The following HEXD variants were observed in gnomAD, a reference collection of about 807,000 sequenced individuals.
HEXD encodes the protein N-acetyl-beta-galactosaminidase.
In HEXD, 47 loss-of-function variants were observed where a neutral mutation model predicts 54.2. The observed-to-expected ratio is 0.87, with a 90% CI of 0.69 to 1.11. The LOEUF is 1.11. Ranked by LOEUF, HEXD falls within the 50% of genes least tolerant of loss-of-function variation. HEXD has a pLI of 0.00. For missense variants in HEXD, 576 were observed against 649.2 expected (o/e 0.89, Z 1.23); for synonymous variants, 293 against 287.6 (o/e 1.02, Z -0.19).
In HEXD at chr17:82,428,778, A is replaced by G. The variant is rs1599731758; in HGVS notation, c.282+133A>G. On this transcript the variant is annotated intron_variant, in intron 4 of 12. Coordinates refer to ENST00000327949, the MANE Select transcript of HEXD (RefSeq NM_001330542.2). Reference sequence around the variant, plus strand: ...TGCAGGCAGCGCAGCTCAGCACAACATGGAAAGGCCTTTGGTCTAGGAAGT... The same window carrying G: ...TGCAGGCAGCGCAGCTCAGCACAACGTGGAAAGGCCTTTGGTCTAGGAAGT... The G allele has an allele frequency of 4.1e-6, 3 of 723,042 alleles. No homozygotes were observed. The South Asian group carries it at 4.8e-5, about 11-fold the overall frequency. The allele number at this position is 723,042 out of a possible 1,614,324, so 44.8% of individuals were successfully genotyped here.
Position 82,418,655 on chromosome 17 carries a change from G to T in HEXD, c.-137G>T. The T allele has an allele frequency of 4.6e-6, 1 of 216,784 alleles. No homozygotes were observed. The highest frequency in any genetic ancestry group is 6.1e-5 in the Admixed American group (1 of 16,292). 13.4% of individuals were successfully genotyped at this position (216,784 alleles called of 1,614,324 possible). On this transcript the variant is annotated 5_prime_UTR_variant, in exon 1 of 13. Transcript: ENST00000327949. ...GAGCAATCGGCGGCCGAGCGGGGCG[G>T]GGCTCAGAGCGGAGGCGGCGGCCGC...
In HEXD at chr17:82,434,932, G is replaced by A. The variant is rs767277365; in HGVS notation, c.448-757G>A. Reference sequence around the variant, plus strand: ...AGGCTGAGGCAGGTGGACCACCTGAGATCAGGAGTTCAAGATCAGCCTGGC... The same window carrying A: ...AGGCTGAGGCAGGTGGACCACCTGAAATCAGGAGTTCAAGATCAGCCTGGC... On this transcript the variant is annotated intron_variant, in intron 5 of 12. Coordinates refer to ENST00000327949, the MANE Select transcript of HEXD (RefSeq NM_001330542.2). This position sits in a 1 kb window ranked among gnomAD's most constrained non-coding sequence, Gnocchi z 4.5. 6.6e-6 allele frequency among the ~76,000 whole-genome samples: 1 copy of A among 151,974 alleles called. No individual in the cohort carries two copies. Among genetic ancestry groups the A allele is most frequent in the Non-Finnish European group, 1.5e-5 (1 of 68,014 alleles).
In HEXD at chr17:82,441,222, C is replaced by A; in HGVS notation, c.1119C>A (p.Ser373Arg). The change falls in exon 11 of 13, where the codon AGC becomes AGA. Residue 373 changes from serine to arginine, a missense_variant. Ser to Arg is a moderately radical substitution (Grantham distance 110, BLOSUM62 -1). Coordinates refer to ENST00000327949, the MANE Select transcript of HEXD (RefSeq NM_001330542.2). ...TCCTTGCCCTTGTCACACAAGTCAG[C>A]CTCCATCTGCGCAGCTCTGTGGATG... is the stretch of plus-strand genomic sequence containing the variant. ...SNILALVTQV[S>R]LHLRSSVDAL... 4 of 1,613,064 alleles carry A rather than the reference C, an allele frequency of 2.5e-6. No individual in the cohort carries two copies. The highest frequency in any genetic ancestry group is 3.4e-6 in the Non-Finnish European group (4 of 1,179,980).
At position 82,418,377 on chromosome 17, in the gene HEXD, G is replaced by A. The variant is rs1255445504; in HGVS notation, c.-415G>A. 2.3e-5 allele frequency: 32 copies of A among 1,390,338 alleles called. No individual in the cohort carries two copies. Among genetic ancestry groups the A allele is most frequent in the Non-Finnish European group, 2.7e-5 (28 of 1,054,676 alleles). 86.1% of individuals were successfully genotyped at this position (1,390,338 alleles called of 1,614,324 possible). A position where few individuals can be genotyped will look rare whatever the true frequency, so the allele number is the denominator to read the frequency against. On this transcript the variant is annotated 5_prime_UTR_variant, in exon 1 of 13. Transcript: ENST00000327949. ...CGCCCACTCCATGGCCCTGTCCGCC[G>A]CCGCAGCGCGCGCCCTTCCCCTCCT...
chr17:82,432,742 C>CT (rs1411641981), intron 4 of HEXD, among the ~76,000 whole-genome samples: 1 of 151,744 alleles, frequency 6.6e-6, no homozygotes, highest in Non-Finnish European at 1.5e-5. Context: ...CACCTGGCCA[C>CT]TTTTTTTTCT....
chr17:82,442,132 G>C lies in HEXD; in HGVS notation c.1254-45G>C. ...GTACTGACCATGGGGCTGAGGGCAA[G>C]TCCCAAGTGTGCAGACTGTGCGTTC... is the stretch of plus-strand genomic sequence containing the variant. On this transcript the variant is annotated intron_variant, in intron 12 of 12. Coordinates refer to ENST00000327949, the MANE Select transcript of HEXD (RefSeq NM_001330542.2). The surrounding 1 kb of genome is among the most constrained non-coding windows in gnomAD (Gnocchi z 6.8). 6.4e-7 allele frequency: 1 copy of C among 1,571,334 alleles called. No homozygotes were observed. Among genetic ancestry groups the C allele is most frequent in the South Asian group, 1.1e-5 (1 of 88,384 alleles).
intron 2 of HEXD, among the ~76,000 whole-genome samples, chr17:82,420,965 A>G (rs1367088696): frequency 6.6e-6 from 1 of 152,190 alleles, no homozygotes; most frequent in Non-Finnish European, 1.5e-5. Flanking sequence ...ATCCCAAACT[A>G]CAAGTGGGTG....
chr17:82,428,829 A>T (rs1458432020), intron 4 of HEXD, among the ~76,000 whole-genome samples, 184 bp downstream of exon 4: 1 of 152,192 alleles, frequency 6.6e-6, no homozygotes, highest in Admixed American at 6.5e-5. Flanking sequence ...CCAGAGCTGC[A>T]GGTTGGGGCT....
At chr17:82,432,483 GA>G (rs759169518) in intron 4 of HEXD, among the ~76,000 whole-genome samples, 4 of 152,228 alleles carry the variant, frequency 2.6e-5, no homozygotes, top group Non-Finnish European at 5.9e-5. Flanking sequence ...TTTCCACAGT[GA>G]GGGGGAAGGG....
chr17:82,418,347 A>G lies in HEXD; in HGVS notation c.-445A>G, dbSNP rs2053121072. The G allele has an allele frequency of 8.9e-6, 6 of 673,990 alleles. No homozygotes were observed. In the Admixed American group the frequency reaches 1.9e-4, roughly 21 times the overall value. 41.8% of individuals were successfully genotyped at this position (673,990 alleles called of 1,614,324 possible). The stretch of plus-strand genomic sequence containing the variant: ...GGCCAGGCCCCGCCCCATCAGCCCC[A>G]GTCCCGCCCACTCCATGGCCCTGTC... On this transcript the variant is annotated 5_prime_UTR_variant, in exon 1 of 13. Transcript: ENST00000327949.
chr17:82,440,457 T>G (rs1301481101), intron 9 of HEXD: 1 of 582,370 alleles, frequency 1.7e-6, no homozygotes, highest in African/African-American at 2.0e-5. Flanking sequence ...TGTGTTAATA[T>G]TGACGGTATT....
chr17:82,440,803 CGT>C (rs2053917566), intron 9 of HEXD, among the ~76,000 whole-genome samples, 192 bp from the exon 10 acceptor site: 1 of 152,226 alleles, frequency 6.6e-6, no homozygotes, highest in Admixed American at 6.5e-5. Flanking sequence ...ACGTATTTCA[CGT>C]GTTTAAAGAG....
Position 82,418,400 on chromosome 17 carries a change from CCTCACCG to C in HEXD, c.-389_-383del. 6.8e-7 allele frequency: 1 copy of C among 1,475,552 alleles called. No homozygotes were observed. The highest frequency in any genetic ancestry group is 1.3e-5 in the South Asian group (1 of 79,146). 91.4% of individuals were successfully genotyped at this position (1,475,552 alleles called of 1,614,324 possible). On this transcript the variant is annotated 5_prime_UTR_variant, in exon 1 of 13. An upstream open reading frame in the 5' UTR gains an earlier in-frame stop. Transcript: ENST00000327949. ...CCGCCGCAGCGCGCGCCCTTCCCCT[CCTCACCG>C]CTACCTGCTCCGGTTCCGGCGCTCG...
At chr17:82,432,806 G>A (rs1345835266) in intron 4 of HEXD, among the ~76,000 whole-genome samples, 3 of 151,826 alleles carry the variant, frequency 2.0e-5, no homozygotes, top group East Asian at 1.9e-4. Context: ...GCTCACGCCT[G>A]TAATCCCAGC....
chr17:82,425,003 G>A (rs182526195), intron 3 of HEXD, among the ~76,000 whole-genome samples: 95 of 150,502 alleles, frequency 6.3e-4, no homozygotes, highest in Middle Eastern at 3.5e-3. Context: ...AGAGAAGGCC[G>A]GAGAAGGCTG....
rs868416963 is a variant in HEXD at position 82,442,383 on chromosome 17, G to A, written c.1460G>A (p.Ter487=). 12 of 1,610,166 alleles carry A rather than the reference G, an allele frequency of 7.5e-6. No homozygotes were observed. The Middle Eastern group carries it at 2.0e-3, about 266-fold the overall frequency. The change falls in exon 13 of 13, where the codon TGA becomes TAA. Residue 487 remains the stop codon, a stop_retained_variant. Transcript: ENST00000327949. The surrounding 1 kb of genome is among the most constrained non-coding windows in gnomAD (Gnocchi z 6.8). ...SPGRDVAQDP[*] ...GGCAGGGACGTTGCTCAGGACCCCT[G>A]AGGGGAGAGCTCATGCCAGGGGGCT...
intron 3 of HEXD, among the ~76,000 whole-genome samples, chr17:82,427,574 C>T (rs764486851): frequency 7.2e-5 from 11 of 152,114 alleles, no homozygotes; most frequent in Non-Finnish European, 1.3e-4. Context: ...AGTGCGATGA[C>T]ATGATCAGGG....
chr17:82,438,672 C>A (rs2053842345), intron 8 of HEXD, among the ~76,000 whole-genome samples: 1 of 152,194 alleles, frequency 6.6e-6, no homozygotes, highest in African/African-American at 2.4e-5. Flanking sequence ...GAGGCCAGAC[C>A]CACCAGGGGC....
chr17:82,423,189 A>G (rs967214466), intron 2 of HEXD: 4 of 152,326 alleles, frequency 2.6e-5, no homozygotes, highest in African/African-American at 9.6e-5. Context: ...TGAGGTCCCC[A>G]TTCATCACCC....
Sources: allele counts gnomAD v4.1 joint callset (sites outside exome capture counted in the v4.1 genomes callset), GRCh38; gene constraint gnomAD v4.1.1; non-coding constraint Gnocchi (gnomAD v3.1); transcripts MANE v1.5; gene names NCBI Gene and HGNC (gene_info 2026-07-23, HGNC 2026-07-21).